KIAA0753: variants seen among roughly 807,000 people sequenced by gnomAD.
KIAA0753 encodes the protein KIAA0753.
A neutral mutation model predicts 116.9 loss-of-function variants in KIAA0753; 114 were observed. The observed-to-expected ratio is 0.98, with a 90% confidence interval of 0.84 to 1.14. The LOEUF is 1.14. KIAA0753 is among the 50% of genes most tolerant of loss of function. KIAA0753 has a pLI of 0.00. For synonymous variants in KIAA0753, 405 were observed against 413.1 expected (o/e 0.98, Z 0.24); for missense variants, 1,156 against 1,172.4 (o/e 0.99, Z 0.20).
intron 4 of KIAA0753, 170 bp from the exon 5 acceptor site, chr17:6,623,741 G>A: frequency 1.1e-6 from 1 of 925,534 alleles, no homozygotes; most frequent in Non-Finnish European, 1.5e-6. Context: ...ACAGTTACTG[G>A]TTTCCAGTTC....
intron 12 of KIAA0753, among the ~76,000 whole-genome samples, chr17:6,605,099 A>G (rs1316943816): frequency 6.6e-6 from 1 of 151,776 alleles, no homozygotes; most frequent in Non-Finnish European, 1.5e-5. Context: ...AAAAAAAAAA[A>G]AAAAAAAAAG....
intron 2 of KIAA0753, among the ~76,000 whole-genome samples, chr17:6,632,755 C>T (rs1488860736): frequency 6.6e-6 from 1 of 152,172 alleles, no homozygotes; most frequent in Non-Finnish European, 1.5e-5. Context: ...CAGTATCATT[C>T]AGTGGTTCTC....
chr17:6,608,115 C>G (rs1426413439), intron 10 of KIAA0753, among the ~76,000 whole-genome samples: 4 of 152,084 alleles, frequency 2.6e-5, no homozygotes, highest in Non-Finnish European at 5.9e-5. Context: ...ATATAATTGA[C>G]ACATATATAA....
rs935626307 is a variant in KIAA0753 at position 6,582,929 on chromosome 17, G to C, written c.2787-3065C>G. 1.8e-4 allele frequency among the ~76,000 whole-genome samples: 27 copies of C among 152,140 alleles called. 1 individual carries two copies. The highest frequency in any genetic ancestry group is 1.6e-3 in the Admixed American group (24 of 15,274). On this transcript the variant is annotated intron_variant, in intron 18 of 18. Transcript: ENST00000361413. ...TTGTTACTGTATATTTTAAACGTGT[G>C]AGTACACATACACACGCATCCATAA...
chr17:6,628,588 G>C lies in KIAA0753; in HGVS notation c.247C>G (p.Leu83Val). The C allele has an allele frequency of 6.2e-7, 1 of 1,614,150 alleles. No homozygotes were observed. The highest frequency in any genetic ancestry group is 8.5e-7 in the Non-Finnish European group (1 of 1,180,024). Residue 83 changes from leucine (L) to valine (V), a missense_variant, in exon 3 of 19, where the codon CTG becomes GTG. Leu to Val is a conservative substitution (Grantham distance 32). Transcript: ENST00000361413. ...KDADCRVGPD[L>V]GSSVSFSVIS... is the part of the protein sequence containing the mutation. ...ACGGAAAATGAAACAGAACTGCCCAGGTCAGGACCAACTCTACAATCTGCA... is the reference window on the plus strand; with the variant it reads ...ACGGAAAATGAAACAGAACTGCCCACGTCAGGACCAACTCTACAATCTGCA...
At chr17:6,622,785 G>A in intron 6 of KIAA0753, 97 bp downstream of exon 6, 1 of 1,035,592 alleles carries the variant, frequency 9.7e-7, no homozygotes, top group South Asian at 1.4e-5. Context: ...CTAGGTAATG[G>A]CTTTGTCTTG....
At chr17:6,588,310 G>A (rs1448655870) in intron 18 of KIAA0753, among the ~76,000 whole-genome samples, 1 of 152,052 alleles carries the variant, frequency 6.6e-6, no homozygotes, top group South Asian at 2.1e-4. Flanking sequence ...CAGGATATGC[G>A]CCATCAAAAT....
chr17:6,629,754 C>A (rs774447039), intron 2 of KIAA0753, among the ~76,000 whole-genome samples: 38 of 152,226 alleles, frequency 2.5e-4, no homozygotes, highest in South Asian at 2.1e-4. Context: ...TAATTACAGG[C>A]ATCAAGAGTC....
intron 7 of KIAA0753, among the ~76,000 whole-genome samples, chr17:6,618,200 T>C (rs923919711): frequency 1.3e-5 from 2 of 152,230 alleles, no homozygotes; most frequent in African/African-American, 2.4e-5. Flanking sequence ...GTGGCTCCCC[T>C]GGAGAGGGCA....
rs570797757 is a variant in KIAA0753, at chr17:6,607,658, A to G, written c.1830-388T>C. Among the ~76,000 whole-genome samples the G allele has an allele frequency of 3.9e-5, 6 of 152,276 alleles. No homozygotes were observed. The East Asian group carries it at 1.2e-3, about 29-fold the overall frequency. ...AAAAGGGAAAAGTTAACTGTGAACA[A>G]CTCTGCTGTATGTAAAAGTGCTTTG... On this transcript the variant is annotated intron_variant, in intron 10 of 18. Transcript: ENST00000361413.
chr17:6,599,271 G>C lies in KIAA0753; in HGVS notation c.2138C>G (p.Ser713Ter). The C allele has an allele frequency of 2.5e-6, 4 of 1,613,856 alleles. No homozygotes were observed. Among genetic ancestry groups the C allele is most frequent in the Non-Finnish European group, 3.4e-6 (4 of 1,179,834 alleles). Residue 713 changes from serine to a stop codon, truncating the protein, a stop_gained, in exon 14 of 19, where the codon TCA (serine) becomes TGA (stop). Transcript: ENST00000361413. LOFTEE classifies it high-confidence loss of function. ...EANIHLKDGS[S>*]VNTAKAQPAQ... is the part of the protein sequence containing the mutation. Reference sequence around the variant, plus strand: ...AGGCTGGGCTTTCGCTGTGTTTACTGACGAGCCATCTTTCAAATGAATATT... The same window carrying C: ...AGGCTGGGCTTTCGCTGTGTTTACTCACGAGCCATCTTTCAAATGAATATT...
intron 16 of KIAA0753, among the ~76,000 whole-genome samples, chr17:6,593,978 T>C (rs1290799075): frequency 3.3e-5 from 5 of 152,210 alleles, no homozygotes; most frequent in Admixed American, 1.3e-4. Context: ...ACACCAAATG[T>C]TGGCAAGGAT....
intron 17 of KIAA0753, 52 bp downstream of exon 17, chr17:6,590,458 A>C: frequency 6.3e-7 from 1 of 1,595,154 alleles, no homozygotes; most frequent in Non-Finnish European, 8.6e-7. Context: ...AAATCTAATA[A>C]CATCAAAGGT....
rs758064383 is a variant in KIAA0753, at chr17:6,610,048, C to T, written c.1658G>A (p.Arg553His). Reference protein sequence around the residue: ...LKMNRQPVKDRKAPWIPPNPT... With the variant: ...LKMNRQPVKDHKAPWIPPNPT... ...GTTTGGGGGTATCCATGGTGCCTTG[C>T]GGTCTTTCACAGGCTGCCGGTTCAT... The change falls in exon 9 of 19, where the codon CGC becomes CAC. Residue 553 changes from arginine (R) to histidine (H), a missense_variant. Physicochemically the swap from Arg to His is conservative, Grantham distance 29. Coordinates refer to ENST00000361413, the MANE Select transcript of KIAA0753 (RefSeq NM_014804.3). 19 of 1,613,966 alleles carry T rather than the reference C, an allele frequency of 1.2e-5. 1 individual carries two copies. The East Asian group carries it at 2.7e-4, about 23-fold the overall frequency.
chr17:6,611,247 G>T (rs1349197774), intron 8 of KIAA0753, among the ~76,000 whole-genome samples: 1 of 152,116 alleles, frequency 6.6e-6, no homozygotes, highest in Non-Finnish European at 1.5e-5. Context: ...ACCCTAGGAT[G>T]CCCTTTTAAT....
intron 7 of KIAA0753, among the ~76,000 whole-genome samples, chr17:6,615,961 T>C (rs972159601): frequency 6.6e-6 from 1 of 150,410 alleles, no homozygotes; most frequent in African/African-American, 2.5e-5. Context: ...ACAGGGAGGG[T>C]TTTCCATCCA....
chr17:6,631,165 A>G (rs1047210843), intron 2 of KIAA0753, among the ~76,000 whole-genome samples: 1 of 152,236 alleles, frequency 6.6e-6, no homozygotes, highest in Admixed American at 6.5e-5. Flanking sequence ...AAACCCCCAA[A>G]TAAATACCAA....
chr17:6,636,521 C>T (rs549931569), intron 1 of KIAA0753: 3 of 152,536 alleles, frequency 2.0e-5, no homozygotes, highest in South Asian at 2.1e-4. Context: ...TACACACACA[C>T]GCACAAAGTC....
At chr17:6,624,570 A>ACG (rs1010328988) in intron 4 of KIAA0753, among the ~76,000 whole-genome samples, 185 bp downstream of exon 4, 5 of 151,472 alleles carry the variant, frequency 3.3e-5, no homozygotes, top group African/African-American at 1.2e-4. Flanking sequence ...ACACACACAC[A>ACG]CGCAGATTAC....
Sources: allele counts gnomAD v4.1 joint callset (sites outside exome capture counted in the v4.1 genomes callset), GRCh38; gene constraint gnomAD v4.1.1; transcripts MANE v1.5; gene names NCBI Gene and HGNC (gene_info 2026-07-23, HGNC 2026-07-21).